Variants in RNGTT observed in about 807,000 individuals in gnomAD.
The protein encoded by RNGTT is RNA guanylyltransferase and 5'-phosphatase, also known as mRNA-capping enzyme.
Under a neutral mutation model 79.3 loss-of-function variants are expected in RNGTT, and 33 were observed. That is an observed-to-expected ratio of 0.42 (90% confidence interval 0.32 to 0.56). The LOEUF is 0.56. Among genes scored for constraint, RNGTT ranks in the 20% least tolerant of loss-of-function variants. RNGTT has a pLI of 0.17. For synonymous variants in RNGTT, 222 were observed against 235.9 expected (o/e 0.94, Z 0.54); for missense variants, 497 against 739.1 (o/e 0.67, Z 3.80).
At chr6:88,817,691 T>C (rs1209874614) in intron 11 of RNGTT, among the ~76,000 whole-genome samples, 2 of 149,758 alleles carry the variant, frequency 1.3e-5, no homozygotes, top group Non-Finnish European at 3.0e-5. Context: ...TGCCAACCTC[T>C]GAACCTAAAT....
chr6:88,794,792 T>C (rs1779539469), intron 12 of RNGTT, among the ~76,000 whole-genome samples: 1 of 152,194 alleles, frequency 6.6e-6, no homozygotes, highest in African/African-American at 2.4e-5. Context: ...TGGCAATTAG[T>C]AACAATTTTT....
chr6:88,795,128 T>C (rs1485321420), intron 12 of RNGTT, among the ~76,000 whole-genome samples: 2 of 152,192 alleles, frequency 1.3e-5, no homozygotes, highest in Non-Finnish European at 2.9e-5. Flanking sequence ...TTAATGCAAA[T>C]ATGTATGTGT....
Position 88,700,925 on chromosome 6 carries a change from A to G in RNGTT, c.1440-22506T>C, listed in dbSNP as rs189854949. Among the ~76,000 whole-genome samples, 294 of 152,294 alleles carry G rather than the reference A, an allele frequency of 1.9e-3. 4 individuals are homozygous for G. Among genetic ancestry groups the G allele is most frequent in the African/African-American group, 6.9e-3 (288 of 41,578 alleles). ...AAAAAACCATGGTATACATATTTGG[A>G]AAATACATGATATTAAAAAGGGAAG... On this transcript the variant is annotated intron_variant, in intron 13 of 15. Transcript: ENST00000369485.
At chr6:88,778,030 T>G (rs1251224550) in intron 12 of RNGTT, among the ~76,000 whole-genome samples, 1 of 152,230 alleles carries the variant, frequency 6.6e-6, no homozygotes, top group East Asian at 1.9e-4. Flanking sequence ...ATGCTTTGTA[T>G]GAATCTGTGG....
chr6:88,650,023 A>G (rs1773738853), intron 14 of RNGTT, among the ~76,000 whole-genome samples: 1 of 152,210 alleles, frequency 6.6e-6, no homozygotes, highest in South Asian at 2.1e-4. Flanking sequence ...GATCGTTCAA[A>G]CCAGTAAAAG....
chr6:88,641,757 G>T (rs544964388), intron 14 of RNGTT, among the ~76,000 whole-genome samples: 11 of 152,152 alleles, frequency 7.2e-5, no homozygotes, highest in Non-Finnish European at 1.6e-4. Context: ...AAAGGCAGCA[G>T]ACTCATTGAA....
At position 88,801,556 on chromosome 6, in the gene RNGTT, G is replaced by T; in HGVS notation, c.1338+8C>A. On this transcript the variant is annotated splice_region_variant and intron_variant, in intron 12 of 15. Coordinates refer to ENST00000369485, the MANE Select transcript of RNGTT (RefSeq NM_003800.5). Reference sequence around the variant, plus strand: ...AACGAACACACACACACAGACAAATGAACTTACTCCAGTAGGCTGAAAAAT... The same window carrying T: ...AACGAACACACACACACAGACAAATTAACTTACTCCAGTAGGCTGAAAAAT... 6.2e-7 allele frequency: 1 copy of T among 1,602,066 alleles called. No individual in the cohort carries two copies. The highest frequency in any genetic ancestry group is 1.1e-5 in the South Asian group (1 of 90,504).
In RNGTT at chr6:88,767,690, A is replaced by T. The variant is rs540146004; in HGVS notation, c.1439+2084T>A. On this transcript the variant is annotated intron_variant, in intron 13 of 15. Coordinates refer to ENST00000369485, the MANE Select transcript of RNGTT (RefSeq NM_003800.5). ...TATTCACTTGTGTCAAAAAAAAAAA[A>T]AAAAAAAAAAAAAACAGCGTAGCCC... Among the ~76,000 whole-genome samples the T allele has an allele frequency of 4.3e-5, 6 of 139,414 alleles. No individual in the cohort carries two copies. In the Admixed American group the frequency reaches 4.3e-4, roughly 10 times the overall value. The allele number at this position is 139,414 out of a possible 152,430, so 91.5% of individuals were successfully genotyped here. A position where few individuals can be genotyped will look rare whatever the true frequency, so the allele number is the denominator to read the frequency against.
At chr6:88,911,207 A>G (rs1016498722) in intron 4 of RNGTT, among the ~76,000 whole-genome samples, 3 of 152,216 alleles carry the variant, frequency 2.0e-5, no homozygotes, top group African/African-American at 7.2e-5. Context: ...TAAAAATGAA[A>G]AAAATAAAAA....
intron 10 of RNGTT, 40 bp downstream of exon 10, chr6:88,849,715 T>C: frequency 6.8e-7 from 1 of 1,465,176 alleles, no homozygotes. Context: ...CATTCATTAT[T>C]TCAGTAATAA....
At chr6:88,751,416 T>C (rs1777834658) in intron 13 of RNGTT, among the ~76,000 whole-genome samples, 1 of 152,152 alleles carries the variant, frequency 6.6e-6, no homozygotes, top group Non-Finnish European at 1.5e-5. Context: ...TGTAACTGCA[T>C]AGTGGTCAGT....
At chr6:88,778,637 C>G (rs1296321393) in intron 12 of RNGTT, among the ~76,000 whole-genome samples, 1 of 152,022 alleles carries the variant, frequency 6.6e-6, no homozygotes, top group African/African-American at 2.4e-5. Flanking sequence ...ACGAAGGGTG[C>G]AATCCATTGC....
chr6:88,669,456 G>A (rs2875561), intron 14 of RNGTT, among the ~76,000 whole-genome samples: 1 of 152,154 alleles, frequency 6.6e-6, no homozygotes, highest in Non-Finnish European at 1.5e-5. Context: ...CAATTATTGG[G>A]CAATACTGCT....
intron 13 of RNGTT, among the ~76,000 whole-genome samples, chr6:88,696,344 T>C (rs1775667160): frequency 6.6e-6 from 1 of 152,182 alleles, no homozygotes; most frequent in East Asian, 1.9e-4. Context: ...GATAGTTGAT[T>C]TATTATTTGA....
At chr6:88,697,642 T>C (rs1297914556) in intron 13 of RNGTT, among the ~76,000 whole-genome samples, 1 of 151,768 alleles carries the variant, frequency 6.6e-6, no homozygotes, top group African/African-American at 2.4e-5. Flanking sequence ...AGTCGGCAGA[T>C]TGAGCTCAGG....
rs1389817777 is a variant in RNGTT, at chr6:88,698,178, G to C, written c.1440-19759C>G. 2.1e-3 allele frequency among the ~76,000 whole-genome samples: 189 copies of C among 90,456 alleles called. 5 individuals carry two copies. Among genetic ancestry groups the C allele is most frequent in the South Asian group, 5.5e-3 (17 of 3,086 alleles). 59.3% of individuals were successfully genotyped at this position (90,456 alleles called of 152,430 possible). On this transcript the variant is annotated intron_variant, in intron 13 of 15. Transcript: ENST00000369485. ...CATATGATATATATGACATATATATGATATATATATGAAATATATATGATA... is the reference window on the plus strand; with the variant it reads ...CATATGATATATATGACATATATATCATATATATATGAAATATATATGATA...
chr6:88,643,116 C>T (rs1293035497), intron 14 of RNGTT, among the ~76,000 whole-genome samples: 1 of 152,020 alleles, frequency 6.6e-6, no homozygotes, highest in Non-Finnish European at 1.5e-5. Flanking sequence ...CATAGCCTAC[C>T]TTAAGTGTGC....
chr6:88,863,632 C>T (rs972822175), intron 8 of RNGTT, among the ~76,000 whole-genome samples: 2 of 152,042 alleles, frequency 1.3e-5, no homozygotes, highest in African/African-American at 2.4e-5. Flanking sequence ...GTAAATCTGT[C>T]AATTTAAAAA....
chr6:88,706,804 T>A (rs1217863518), intron 13 of RNGTT, among the ~76,000 whole-genome samples: 3 of 152,084 alleles, frequency 2.0e-5, no homozygotes, highest in African/African-American at 7.2e-5. Flanking sequence ...ATATAAAAAT[T>A]TACTCATAAA....
Sources: gnomAD v4.1 joint callset for allele counts (sites outside exome capture counted in the v4.1 genomes callset) on GRCh38, gnomAD v4.1.1 for gene constraint, MANE v1.5 for transcripts, NCBI Gene and HGNC (gene_info 2026-07-23, HGNC 2026-07-21) for gene names.